NUP214: variants seen among roughly 807,000 people sequenced by gnomAD.
NUP214 encodes the protein nucleoporin 214, also known as nuclear pore complex protein Nup214.
Under a neutral mutation model 196.2 loss-of-function variants are expected in NUP214, and 79 were observed. The ratio of observed to expected loss-of-function variants is 0.40; its 90% confidence interval spans 0.34 to 0.49. The LOEUF (loss-of-function observed/expected upper bound fraction) is 0.49. NUP214 is among the 20% of genes least tolerant of loss of function. The pLI, the probability that NUP214 is intolerant of heterozygous loss-of-function variation, is 0.58. For synonymous variants in NUP214, 1,020 were observed against 990.5 expected (o/e 1.03, Z -0.56); for missense variants, 2,468 against 2,539.0 (o/e 0.97, Z 0.60).
intron 31 of NUP214, among the ~76,000 whole-genome samples, chr9:131,221,783 A>G (rs1424018065): frequency 1.3e-5 from 2 of 152,154 alleles, no homozygotes; most frequent in Non-Finnish European, 1.5e-5. Context: ...CATATATTCA[A>G]TAAAACACCC....
intron 29 of NUP214, 54 bp downstream of exon 29, chr9:131,199,069 T>G (rs992014723): frequency 6.6e-7 from 1 of 1,524,046 alleles, no homozygotes. Flanking sequence ...TTTGAAACAT[T>G]AGCAACAGAC....
rs542558437 is a variant in NUP214, at chr9:131,162,856, A to G, written c.2541-135A>G. ...CCTTTTTATTTTCTAGTAATTTCTT[A>G]ATGGTTCTTGTCCAGTGCTGGTTCT... is the stretch of plus-strand genomic sequence containing the variant. On this transcript the variant is annotated intron_variant, in intron 18 of 35. Transcript: ENST00000359428. 3.7e-5 allele frequency: 29 copies of G among 788,244 alleles called. No individual in the cohort carries two copies. The African/African-American group carries it at 4.2e-4, about 11-fold the overall frequency. 48.8% of individuals were successfully genotyped at this position (788,244 alleles called of 1,614,324 possible). A position where few individuals can be genotyped will look rare whatever the true frequency, so the allele number is the denominator to read the frequency against.
At position 131,233,835 on chromosome 9, in the gene NUP214, G is replaced by C; in HGVS notation, c.*348G>C. The C allele has an allele frequency of 4.9e-6, 2 of 406,818 alleles. No homozygotes were observed. Among genetic ancestry groups the C allele is most frequent in the Non-Finnish European group, 4.6e-6 (1 of 216,096 alleles). 25.2% of individuals were successfully genotyped at this position (406,818 alleles called of 1,614,324 possible). On this transcript the variant is annotated 3_prime_UTR_variant, in exon 36 of 36. Transcript: ENST00000359428. ...GATGGCATCAGAAGTCACCAGCGTC[G>C]GGTGTTGATAAACAGCATCGAATGT...
At chr9:131,200,910 A>G (rs2131052022) in intron 29 of NUP214, among the ~76,000 whole-genome samples, 1 of 151,930 alleles carries the variant, frequency 6.6e-6, no homozygotes, top group South Asian at 2.1e-4. Context: ...AGGAGTAGAA[A>G]TATTCATAAT....
chr9:131,163,309 C>A, intron 19 of NUP214, 136 bp downstream of exon 19: 1 of 808,042 alleles, frequency 1.2e-6, no homozygotes, highest in South Asian at 2.1e-5. Flanking sequence ...AGGGTCCCAC[C>A]CTCTCTGATC....
At chr9:131,223,739 T>TATTTA (rs1564219842) in intron 32 of NUP214, among the ~76,000 whole-genome samples, 7 of 26,508 alleles carry the variant, frequency 2.6e-4, no homozygotes, top group Admixed American at 1.1e-3. Context: ...TTTTTTTTTT[T>TATTTA]TTTTTTTTTT....
chr9:131,222,983 C>A, intron 32 of NUP214, 53 bp downstream of exon 32: 1 of 1,549,844 alleles, frequency 6.5e-7, no homozygotes, highest in South Asian at 1.2e-5. Flanking sequence ...TTTGTTTATG[C>A]ATAGATATCT....
intron 30 of NUP214, among the ~76,000 whole-genome samples, chr9:131,210,756 A>G (rs1016776749): frequency 6.6e-5 from 10 of 152,238 alleles, no homozygotes; most frequent in African/African-American, 1.9e-4. Context: ...AAGACGTATC[A>G]ATAGAAATTA....
intron 5 of NUP214, among the ~76,000 whole-genome samples, chr9:131,131,877 T>G (rs958081793): frequency 4.6e-5 from 7 of 151,424 alleles, no homozygotes; most frequent in African/African-American, 9.7e-5. Context: ...TTTGTAGAGA[T>G]AGGGTTTTGC....
intron 5 of NUP214, among the ~76,000 whole-genome samples, chr9:131,131,547 A>G (rs1831544745): frequency 6.6e-6 from 1 of 152,206 alleles, no homozygotes; most frequent in Non-Finnish European, 1.5e-5. Flanking sequence ...TTTAAGGTTA[A>G]GGTTATGTTT....
At chr9:131,175,911 A>G in intron 23 of NUP214, 1 of 338,606 alleles carries the variant, frequency 3.0e-6, no homozygotes, top group South Asian at 6.3e-5. Flanking sequence ...ACTTTTGAAT[A>G]ATGTCTGCTT....
chr9:131,135,963 C>T lies in NUP214; in HGVS notation c.962C>T (p.Ala321Val), dbSNP rs1831714273. The T allele has an allele frequency of 1.1e-5, 18 of 1,613,728 alleles. No individual in the cohort carries two copies. The highest frequency in any genetic ancestry group is 1.4e-5 in the Non-Finnish European group (17 of 1,179,624). ...AGGGATTTAGTGCTGGCAGCATCTG[C>T]GGCTTCAACAGAAGTTAGTATCCTT... The part of the protein sequence containing the change: ...EEWDLVLAAS[A>V]ASTEVSILAR... The change falls in exon 9 of 36, where the codon GCG becomes GTG. Residue 321 changes from alanine (A) to valine (V), a missense_variant. By Grantham distance (64) the Ala-to-Val change is moderately conservative (BLOSUM62 0). Around this residue, in one of 5 missense-constraint regions of NUP214, gnomAD observed 392 missense variants for 417.9 expected, o/e 0.94. Transcript: ENST00000359428.
In NUP214 at chr9:131,228,281, A is replaced by G. The variant is rs1834778909; in HGVS notation, c.6024A>G (p.Gly2008=). 1 of 1,605,168 alleles carries G rather than the reference A, an allele frequency of 6.2e-7. No homozygotes were observed. Among genetic ancestry groups the G allele is most frequent in the African/African-American group, 1.3e-5 (1 of 74,274 alleles). Residue 2008 remains glycine, a synonymous_variant, in exon 33 of 36, where the codon GGA becomes GGG. Transcript: ENST00000359428. ...TTACAAGCCCTCTGGGCTCGACGGGAGGCAAAGTGTTCGGAGAGGGCACTG... is the reference window on the plus strand; with the variant it reads ...TTACAAGCCCTCTGGGCTCGACGGGGGGCAAAGTGTTCGGAGAGGGCACTG... ...PAFTSPLGST[G]GKVFGEGTAA...
At chr9:131,210,155 A>G (rs1206055256) in intron 30 of NUP214, among the ~76,000 whole-genome samples, 1 of 152,248 alleles carries the variant, frequency 6.6e-6, no homozygotes, top group Admixed American at 6.5e-5. Flanking sequence ...CATACAGAGC[A>G]ACCAAAAAAG....
chr9:131,144,376 C>T lies in NUP214; in HGVS notation c.1391C>T (p.Ala464Val), dbSNP rs1311053472. 1 of 1,614,094 alleles carries T rather than the reference C, an allele frequency of 6.2e-7. No individual in the cohort carries two copies. The highest frequency in any genetic ancestry group is 8.5e-7 in the Non-Finnish European group (1 of 1,180,044). The change falls in exon 12 of 36, where the codon GCT becomes GTT. Residue 464 changes from alanine to valine, a missense_variant. Ala to Val is a moderately conservative substitution (Grantham distance 64). Coordinates refer to ENST00000359428, the MANE Select transcript of NUP214 (RefSeq NM_005085.4). ...APASLPPSSP[A>V]APIATFSLLP... ...GCCTCTCTGCCACCTTCATCACCTG[C>T]TGCTCCCATTGCCACTTTTTCTTTG... is the stretch of plus-strand genomic sequence containing the variant.
chr9:131,210,751 G>GT (rs1267198269), intron 30 of NUP214, among the ~76,000 whole-genome samples: 2 of 152,022 alleles, frequency 1.3e-5, no homozygotes, highest in Non-Finnish European at 2.9e-5. Flanking sequence ...ACTCGAAGAC[G>GT]TATCAATAGA....
rs138075577 is a variant in NUP214 at position 131,144,619 on chromosome 9, C to T, written c.1634C>T (p.Ser545Leu). The T allele has an allele frequency of 5.8e-4, 930 of 1,614,076 alleles. 1 individual carries two copies. The highest frequency in any genetic ancestry group is 7.2e-4 in the Non-Finnish European group (847 of 1,180,044). The change falls in exon 12 of 36, where the codon TCA becomes TTA. Residue 545 changes from serine (S) to leucine (L), a missense_variant. By Grantham distance (145) the Ser-to-Leu change is moderately radical. This residue lies in a region of NUP214 where 1,801 missense variants were observed against 1,779.4 expected (regional missense o/e 1.01). Transcript: ENST00000359428. ...AASPVAPSAA[S>L]FSFGSSGFKP... ...TCTCCTGTGGCTCCATCAGCTGCTTCATTCTCCTTTGGATCATCTGGTTTT... is the reference window on the plus strand; with the variant it reads ...TCTCCTGTGGCTCCATCAGCTGCTTTATTCTCCTTTGGATCATCTGGTTTT...
At chr9:131,174,638 G>A (rs865782316) in intron 22 of NUP214, among the ~76,000 whole-genome samples, 1 of 151,672 alleles carries the variant, frequency 6.6e-6, no homozygotes, top group Non-Finnish European at 1.5e-5. Context: ...TAGTGGAGAC[G>A]GGGTTTCACC....
chr9:131,210,753 A>G (rs1834219035), intron 30 of NUP214, among the ~76,000 whole-genome samples: 1 of 152,228 alleles, frequency 6.6e-6, no homozygotes, highest in Non-Finnish European at 1.5e-5. Context: ...TCGAAGACGT[A>G]TCAATAGAAA....
Sources: allele counts gnomAD v4.1 joint callset (sites outside exome capture counted in the v4.1 genomes callset), GRCh38; gene constraint gnomAD v4.1.1; regional missense constraint gnomAD v4.1.1; transcripts MANE v1.5; gene names NCBI Gene and HGNC (gene_info 2026-07-23, HGNC 2026-07-21).